Variants in CADM2 observed in about 807,000 individuals in gnomAD.
The protein encoded by CADM2 is immunoglobulin superfamily member 4D.
Under a neutral mutation model 49.8 loss-of-function variants are expected in CADM2, and 12 were observed. That is an observed-to-expected ratio of 0.24 (90% CI 0.15 to 0.39). The LOEUF (loss-of-function observed/expected upper bound fraction) is 0.39, where lower values mean the gene tolerates loss of function less well. Among genes scored for constraint, CADM2 ranks in the 10% least tolerant of loss-of-function variants. The pLI is 1.00. For missense variants in CADM2, 378 were observed against 492.3 expected, an observed-to-expected ratio of 0.77 and a Z score of 2.20; for synonymous variants, 214 against 175.4, an observed-to-expected ratio of 1.22 and a Z score of -1.74.
At chr3:85,477,997 T>C (rs994279219) in intron 1 of CADM2, among the ~76,000 whole-genome samples, 7 of 151,978 alleles carry the variant, frequency 4.6e-5, no homozygotes, top group South Asian at 2.1e-4. Flanking sequence ...AAAATATTTT[T>C]ACTGAACCTT....
chr3:85,366,814 A>G (rs2032821593), intron 1 of CADM2, among the ~76,000 whole-genome samples: 1 of 152,030 alleles, frequency 6.6e-6, no homozygotes, highest in African/African-American at 2.4e-5. Context: ...TCAATCTTTT[A>G]TGTTTCTTTG....
intron 1 of CADM2, among the ~76,000 whole-genome samples, chr3:85,652,479 C>A (rs1485980645): frequency 6.6e-6 from 1 of 152,136 alleles, no homozygotes; most frequent in Non-Finnish European, 1.5e-5. Context: ...ACAGTCATCT[C>A]AATGCTTGAC....
At chr3:86,019,585 G>A (rs1427710013) in intron 8 of CADM2, among the ~76,000 whole-genome samples, 2 of 149,860 alleles carry the variant, frequency 1.3e-5, no homozygotes, top group Admixed American at 1.3e-4. Context: ...CCTTGAAGAG[G>A]TCCTTCACAT....
rs543294447 is a variant in CADM2, at chr3:85,296,630, G to A, written c.61+336962G>A. ...TCTCACTCCTTAATCTAAATAGCTC[G>A]GTGATTCTTCATTCCTACAGAATAA... On this transcript the variant is annotated intron_variant, in intron 1 of 9. Coordinates refer to ENST00000383699, the MANE Select transcript of CADM2 (RefSeq NM_001167675.2). Among the ~76,000 whole-genome samples the A allele has an allele frequency of 6.6e-5, 10 of 151,926 alleles. No individual in the cohort carries two copies. In the South Asian group the frequency reaches 8.3e-4, roughly 13 times the overall value.
intron 1 of CADM2, among the ~76,000 whole-genome samples, chr3:84,991,908 C>T (rs2032911916): frequency 6.6e-6 from 1 of 152,162 alleles, no homozygotes; most frequent in Non-Finnish European, 1.5e-5. Context: ...AAAGGCTACA[C>T]ATTGCTTGAG....
chr3:85,881,837 T>G (rs576730612), intron 3 of CADM2, among the ~76,000 whole-genome samples: 21 of 152,246 alleles, frequency 1.4e-4, no homozygotes, highest in South Asian at 4.2e-4. Context: ...GGGATGGTTT[T>G]GGGATGAAAT....
chr3:85,338,737 GAAC>G (rs1380218000), intron 1 of CADM2, among the ~76,000 whole-genome samples: 2 of 151,168 alleles, frequency 1.3e-5, no homozygotes, highest in Admixed American at 1.3e-4. Flanking sequence ...TCTTTTCACC[GAAC>G]AACAGGTAAC....
chr3:85,321,116 A>ATTTTTTTTTT (rs1157576505), intron 1 of CADM2, among the ~76,000 whole-genome samples: 2 of 27,496 alleles, frequency 7.3e-5, no homozygotes, highest in African/African-American at 1.5e-4. Context: ...ATATATATAT[A>ATTTTTTTTTT]TTTTTTTTTT....
chr3:85,321,968 C>T (rs72903217), intron 1 of CADM2, among the ~76,000 whole-genome samples: 5 of 152,274 alleles, frequency 3.3e-5, no homozygotes, highest in South Asian at 2.1e-4. Flanking sequence ...AAATTGCTAA[C>T]GTCATTTTTG....
At chr3:85,238,258 A>G (rs185095359) in intron 1 of CADM2, among the ~76,000 whole-genome samples, 4 of 152,136 alleles carry the variant, frequency 2.6e-5, no homozygotes, top group East Asian at 3.9e-4. Context: ...TTTACATTCT[A>G]TAAAGGAATG....
Position 85,001,072 on chromosome 3 carries a change from G to A in CADM2, c.61+41404G>A, listed in dbSNP as rs183520867. Among the ~76,000 whole-genome samples, 783 of 152,120 alleles carry A rather than the reference G, an allele frequency of 5.1e-3. 6 individuals are homozygous for A. The highest frequency in any genetic ancestry group is 8.0e-3 in the Non-Finnish European group (541 of 67,950). ...CAGATTAACCTAGATAACTTGTTCA[G>A]TTGTTGGGGTTTCAAAATTTAATTA... On this transcript the variant is annotated intron_variant, in intron 1 of 9. Transcript: ENST00000383699.
At chr3:85,949,727 A>T (rs984849746) in intron 7 of CADM2, among the ~76,000 whole-genome samples, 8 of 151,194 alleles carry the variant, frequency 5.3e-5, no homozygotes, top group Non-Finnish European at 1.2e-4. Flanking sequence ...CACTGGTTTT[A>T]ATATTAGAAA....
At position 85,327,583 on chromosome 3, in the gene CADM2, C is replaced by T. The variant is rs1024256524; in HGVS notation, c.61+367915C>T. On this transcript the variant is annotated intron_variant, in intron 1 of 9. Transcript: ENST00000383699. Reference sequence around the variant, plus strand: ...ACACACACACACACACACACACACACACACACCACACACACACACACATAA... The same window carrying T: ...ACACACACACACACACACACACACATACACACCACACACACACACACATAA... 8.1e-4 allele frequency among the ~76,000 whole-genome samples: 118 copies of T among 144,902 alleles called. 2 individuals carry two copies. The highest frequency in any genetic ancestry group is 3.1e-3 in the African/African-American group (113 of 36,416).
chr3:85,368,313 A>C (rs2032950183), intron 1 of CADM2, among the ~76,000 whole-genome samples: 1 of 152,116 alleles, frequency 6.6e-6, no homozygotes, highest in Non-Finnish European at 1.5e-5. Context: ...AAAAGCAAAA[A>C]ATGACAGTGT....
At position 85,549,319 on chromosome 3, in the gene CADM2, G is replaced by A. The variant is rs555761812; in HGVS notation, c.62-177203G>A. Among the ~76,000 whole-genome samples, 4 of 152,264 alleles carry A rather than the reference G, an allele frequency of 2.6e-5. No individual in the cohort carries two copies. In the East Asian group the frequency reaches 7.7e-4, roughly 29 times the overall value. On this transcript the variant is annotated intron_variant, in intron 1 of 9. Coordinates refer to ENST00000383699, the MANE Select transcript of CADM2 (RefSeq NM_001167675.2). ...GATAAAGAATAAACAACAGGCAAAT[G>A]CAACAGGAGAATCCAGTCTGGAAAA... is the stretch of plus-strand genomic sequence containing the variant.
chr3:85,782,717 T>C (rs911438298), intron 2 of CADM2, among the ~76,000 whole-genome samples: 17 of 151,992 alleles, frequency 1.1e-4, no homozygotes, highest in African/African-American at 4.1e-4. Flanking sequence ...GAATCTTTCT[T>C]TCTCTCCTTA....
chr3:85,913,954 C>T (rs1214440235), intron 6 of CADM2, among the ~76,000 whole-genome samples: 4 of 151,948 alleles, frequency 2.6e-5, no homozygotes, highest in Admixed American at 2.6e-4. Context: ...GCCAGTGAGA[C>T]TGGAGTAGAG....
intron 2 of CADM2, among the ~76,000 whole-genome samples, chr3:85,732,260 CA>C (rs1289732436): frequency 1.8e-4 from 25 of 139,714 alleles, no homozygotes; most frequent in East Asian, 8.3e-4. Flanking sequence ...GACTCTGTCT[CA>C]AAAAAAAAAG....
At chr3:85,913,093 T>C (rs1717843884) in intron 6 of CADM2, among the ~76,000 whole-genome samples, 1 of 152,128 alleles carries the variant, frequency 6.6e-6, no homozygotes, top group Non-Finnish European at 1.5e-5. Flanking sequence ...GTGCTAAATG[T>C]TTTGCTGGAA....
Sources: gnomAD v4.1 joint callset for allele counts (sites outside exome capture counted in the v4.1 genomes callset) on GRCh38, gnomAD v4.1.1 for gene constraint, MANE v1.5 for transcripts, NCBI Gene and HGNC (gene_info 2026-07-23, HGNC 2026-07-21) for gene names.